The following MCC variants were observed in gnomAD, a reference collection of about 807,000 sequenced individuals.
MCC encodes MCC regulator of Wnt signaling pathway, also known as colorectal mutant cancer protein.
Under a neutral mutation model 116.2 loss-of-function variants are expected in MCC, and 90 were observed. The observed-to-expected ratio is 0.77, with a 90% confidence interval of 0.65 to 0.92. MCC has a LOEUF of 0.92. MCC is among the 40% of genes least tolerant of loss of function. The pLI is 0.00. For synonymous variants in MCC, 578 were observed against 510.5 expected (o/e 1.13, Z -1.78); for missense variants, 1,516 against 1,312.2 (o/e 1.16, Z -2.40).
intron 2 of MCC, among the ~76,000 whole-genome samples, chr5:113,357,416 A>T (rs1366021271): frequency 6.6e-6 from 1 of 152,244 alleles, no homozygotes; most frequent in Admixed American, 6.5e-5. Context: ...TAGTTTTGTT[A>T]CAGTAGGTAG....
At chr5:113,459,730 T>A (rs1771692483) in intron 1 of MCC, among the ~76,000 whole-genome samples, 1 of 151,854 alleles carries the variant, frequency 6.6e-6, no homozygotes, top group African/African-American at 2.4e-5. Context: ...TCCAATGTGA[T>A]CACTGACTTA....
Position 113,178,439 on chromosome 5 carries a change from T to A in MCC, c.628-27017A>T, listed in dbSNP as rs372334493. On this transcript the variant is annotated intron_variant, in intron 3 of 18. Transcript: ENST00000408903. ...AAGAGAAAGAGCAAACAAGGGTAGATGGGGGATTGCCAGGGCAGAAGATTT... is the reference window on the plus strand; with the variant it reads ...AAGAGAAAGAGCAAACAAGGGTAGAAGGGGGATTGCCAGGGCAGAAGATTT... Among the ~76,000 whole-genome samples, 36 of 152,236 alleles carry A rather than the reference T, an allele frequency of 2.4e-4. No individual in the cohort carries two copies. In the East Asian group the frequency reaches 4.6e-3, roughly 20 times the overall value.
At chr5:113,166,698 A>G (rs1212503438) in intron 3 of MCC, among the ~76,000 whole-genome samples, 2 of 138,964 alleles carry the variant, frequency 1.4e-5, no homozygotes, top group Admixed American at 7.1e-5. Flanking sequence ...ACAGGGCATC[A>G]TTTATTTAAA....
rs571373557 is a variant in MCC, at chr5:113,265,717, C to T, written c.627+74802G>A. 3.3e-5 allele frequency among the ~76,000 whole-genome samples: 5 copies of T among 152,102 alleles called. No individual in the cohort carries two copies. The South Asian group carries it at 1.0e-3, about 32-fold the overall frequency. ...TTTTTTCCCTTCTCCACGCACCCAA[C>T]TCCATCATGCTTCCCTCACTGCAGG... On this transcript the variant is annotated intron_variant, in intron 3 of 18. Transcript: ENST00000408903.
chr5:113,281,703 C>T (rs1766052895), intron 3 of MCC, among the ~76,000 whole-genome samples: 1 of 152,150 alleles, frequency 6.6e-6, no homozygotes, highest in African/African-American at 2.4e-5. Flanking sequence ...AACATTTTCC[C>T]AGGCAATGAG....
chr5:113,109,473 A>C, intron 6 of MCC, among the ~76,000 whole-genome samples: 1 of 152,132 alleles, frequency 6.6e-6, no homozygotes, highest in Non-Finnish European at 1.5e-5. Flanking sequence ...ACAGGAGATA[A>C]AGTTTACCGG....
Position 113,433,954 on chromosome 5 carries a change from G to A in MCC, c.171-48742C>T, listed in dbSNP as rs201394403. 2.5e-4 allele frequency: 409 copies of A among 1,613,990 alleles called. 3 individuals are homozygous for A. In the African/African-American group the frequency reaches 4.9e-3, roughly 19 times the overall value. On this transcript the variant is annotated intron_variant, in intron 1 of 18. Coordinates refer to ENST00000408903, the MANE Select transcript of MCC (RefSeq NM_001085377.2). Reference sequence around the variant, plus strand: ...GAGCCAGGTTCGGGGGTCCACAAGGGTTCAGTTCCCCGGGAACTCTCCCCC... The same window carrying A: ...GAGCCAGGTTCGGGGGTCCACAAGGATTCAGTTCCCCGGGAACTCTCCCCC...
At chr5:113,260,761 C>T (rs1278317866) in intron 3 of MCC, among the ~76,000 whole-genome samples, 2 of 151,248 alleles carry the variant, frequency 1.3e-5, no homozygotes, top group African/African-American at 4.9e-5. Context: ...AGAAAATATC[C>T]CCCGAAAAGT....
intron 3 of MCC, among the ~76,000 whole-genome samples, chr5:113,304,733 G>A (rs184258902): frequency 6.6e-6 from 1 of 151,970 alleles, no homozygotes; most frequent in African/African-American, 2.4e-5. Flanking sequence ...AAATTAATCA[G>A]TGGAGATTAG....
intron 3 of MCC, among the ~76,000 whole-genome samples, chr5:113,181,882 A>AG (rs1239302455): frequency 1.3e-5 from 2 of 152,164 alleles, no homozygotes; most frequent in Non-Finnish European, 2.9e-5. Context: ...TCTGAGGCCC[A>AG]GGGGGGTTTT....
chr5:113,055,853 G>C (rs368012822), intron 14 of MCC, among the ~76,000 whole-genome samples: 1 of 152,152 alleles, frequency 6.6e-6, no homozygotes, highest in African/African-American at 2.4e-5. Flanking sequence ...AGTGAACCTC[G>C]TCTAATCAGA....
chr5:113,119,228 G>C (rs1757588121), intron 6 of MCC, among the ~76,000 whole-genome samples: 1 of 152,238 alleles, frequency 6.6e-6, no homozygotes, highest in Non-Finnish European at 1.5e-5. Flanking sequence ...ATGACAGCCA[G>C]ATAAAGCTTG....
At chr5:113,123,196 T>G (rs1305433525) in intron 5 of MCC, among the ~76,000 whole-genome samples, 1 of 151,934 alleles carries the variant, frequency 6.6e-6, no homozygotes, top group African/African-American at 2.4e-5. Flanking sequence ...TAACTAAGAG[T>G]CTAGCGCACA....
chr5:113,275,973 T>G (rs1214183024), intron 3 of MCC, among the ~76,000 whole-genome samples: 16 of 149,414 alleles, frequency 1.1e-4, no homozygotes, highest in Non-Finnish European at 2.1e-4. Context: ...TTGTTTTGTT[T>G]TTTTTTTTTT....
chr5:113,140,256 G>T (rs900628811), intron 5 of MCC, among the ~76,000 whole-genome samples: 10 of 152,096 alleles, frequency 6.6e-5, no homozygotes, highest in African/African-American at 2.4e-4. Flanking sequence ...CTCCTACCTG[G>T]GATGAAATAG....
intron 16 of MCC, among the ~76,000 whole-genome samples, chr5:113,046,245 T>C (rs958075087): frequency 2.6e-5 from 4 of 152,038 alleles, no homozygotes; most frequent in Non-Finnish European, 2.9e-5. Flanking sequence ...CAGGCTGTGG[T>C]GCGGCTGCAC....
At chr5:113,256,406 G>A (rs1765005378) in intron 3 of MCC, among the ~76,000 whole-genome samples, 1 of 152,170 alleles carries the variant, frequency 6.6e-6, no homozygotes, top group South Asian at 2.1e-4. Context: ...GGGCCAGCAG[G>A]CATAAGTAGA....
intron 6 of MCC, 35 bp downstream of exon 6, chr5:113,122,649 A>G (rs1175664089): frequency 1.4e-5 from 23 of 1,603,808 alleles, no homozygotes; most frequent in Non-Finnish European, 2.0e-5. Context: ...CCAGAAACCA[A>G]ACTCTGGCTT....
chr5:113,025,118 C>G lies in MCC; in HGVS notation c.*2184G>C, dbSNP rs76957295. On this transcript the variant is annotated 3_prime_UTR_variant, in exon 19 of 19. Coordinates refer to ENST00000408903, the MANE Select transcript of MCC (RefSeq NM_001085377.2). ...TTATTCCTGCTTCAGCCACATGTTT[C>G]TGTGTCAGTGAAAATGAAAACTGCC... 6.6e-6 allele frequency: 1 copy of G among 152,114 alleles called. No individual in the cohort carries two copies. The highest frequency in any genetic ancestry group is 2.4e-5 in the African/African-American group (1 of 41,520). The allele number at this position is 152,114 out of a possible 1,614,324, so 9.4% of individuals were successfully genotyped here. A position where few individuals can be genotyped will look rare whatever the true frequency, so the allele number is the denominator to read the frequency against.
Sources: gnomAD v4.1 joint callset for allele counts (sites outside exome capture counted in the v4.1 genomes callset) on GRCh38, gnomAD v4.1.1 for gene constraint, MANE v1.5 for transcripts, NCBI Gene and HGNC (gene_info 2026-07-23, HGNC 2026-07-21) for gene names.